Variants in PDE1A observed in about 807,000 individuals in gnomAD.
PDE1A encodes phosphodiesterase 1A.
A neutral mutation model predicts 61.7 loss-of-function variants in PDE1A; 35 were observed. That is an observed-to-expected ratio of 0.57 (90% confidence interval 0.43 to 0.75). The LOEUF is 0.75. PDE1A is among the 30% of genes least tolerant of loss of function. PDE1A has a pLI of 0.00. For missense variants in PDE1A, 597 were observed against 630.6 expected, an observed-to-expected ratio of 0.95 and a Z score of 0.57; for synonymous variants, 232 against 213.2, an observed-to-expected ratio of 1.09 and a Z score of -0.77.
intron 1 of PDE1A, among the ~76,000 whole-genome samples, chr2:182,412,349 A>G (rs920124764): frequency 6.6e-6 from 1 of 152,150 alleles, no homozygotes; most frequent in Non-Finnish European, 1.5e-5. Context: ...TTATTCATTC[A>G]ATATCTGACT....
intron 7 of PDE1A, among the ~76,000 whole-genome samples, chr2:182,211,289 A>C (rs1687574109): frequency 6.6e-6 from 1 of 152,086 alleles, no homozygotes; most frequent in African/African-American, 2.4e-5. Context: ...GCTTCACTGT[A>C]TTGCTTTTAC....
chr2:182,685,843 C>T, the PDE1A span, among the ~76,000 whole-genome samples: 1 of 152,212 alleles, frequency 6.6e-6, no homozygotes, highest in African/African-American at 2.4e-5. Flanking sequence ...ACTTCCCTAA[C>T]AAAAGTCTCC....
chr2:182,159,059 G>A (rs1039520739), intron 13 of PDE1A, among the ~76,000 whole-genome samples: 5 of 152,188 alleles, frequency 3.3e-5, no homozygotes, highest in African/African-American at 1.2e-4. Flanking sequence ...AGTTTGGGCT[G>A]TATACAGTCT....
Position 182,329,886 on chromosome 2 carries a change from G to A in PDE1A, c.54-65472C>T, listed in dbSNP as rs1697290164. 2.0e-5 allele frequency among the ~76,000 whole-genome samples: 3 copies of A among 152,094 alleles called. No individual in the cohort carries two copies. The South Asian group carries it at 6.2e-4, about 32-fold the overall frequency. Reference sequence around the variant, plus strand: ...TCCACAACGAAAGTTCCATGAAAGCGGGTTGTTTTCTGTTTTGTTTTTGCT... The same window carrying A: ...TCCACAACGAAAGTTCCATGAAAGCAGGTTGTTTTCTGTTTTGTTTTTGCT... On this transcript the variant is annotated intron_variant, in intron 1 of 13. Transcript: ENST00000351439.
the PDE1A span, among the ~76,000 whole-genome samples, chr2:182,550,986 G>T: frequency 4.0e-5 from 6 of 150,530 alleles, no homozygotes; most frequent in African/African-American, 1.5e-4. Flanking sequence ...GTCTACCAGT[G>T]TACCCAGGAA....
chr2:182,342,539 C>G lies in PDE1A; in HGVS notation c.54-78125G>C, dbSNP rs185780863. Reference sequence around the variant, plus strand: ...TCTACTAAAAATACAAAAAATTAGACTGGCGTGGTAACACGTGCCTGTAGT... The same window carrying G: ...TCTACTAAAAATACAAAAAATTAGAGTGGCGTGGTAACACGTGCCTGTAGT... On this transcript the variant is annotated intron_variant, in intron 1 of 13. Transcript: ENST00000351439. Among the ~76,000 whole-genome samples the G allele has an allele frequency of 2.5e-3, 379 of 152,252 alleles. 2 individuals are homozygous for G. Among genetic ancestry groups the G allele is most frequent in the African/African-American group, 8.6e-3 (359 of 41,550 alleles).
At chr2:182,705,600 G>A in the PDE1A span, among the ~76,000 whole-genome samples, 1 of 151,956 alleles carries the variant, frequency 6.6e-6, no homozygotes, top group Non-Finnish European at 1.5e-5. Context: ...TGCAACTGAC[G>A]CCTCCTAGGT....
chr2:182,483,788 A>G (rs1687845896), intron 2 of PDE1A, among the ~76,000 whole-genome samples: 1 of 151,970 alleles, frequency 6.6e-6, no homozygotes, highest in Admixed American at 6.6e-5. Context: ...GAAATCAATT[A>G]CATAGATAAC....
At chr2:182,499,207 T>C (rs1271477020) in intron 2 of PDE1A, among the ~76,000 whole-genome samples, 2 of 140,266 alleles carry the variant, frequency 1.4e-5, no homozygotes, top group Non-Finnish European at 3.1e-5. Context: ...GACGGAGTCT[T>C]GCTCTGTCAC....
At chr2:182,638,552 A>G in the PDE1A span, among the ~76,000 whole-genome samples, 1,474 of 152,326 alleles carry the variant, frequency 9.7e-3, 26 homozygotes, top group African/African-American at 0.034. Flanking sequence ...AATGAAAAAA[A>G]CAATTTAGGC....
chr2:182,504,052 T>C (rs10931022), intron 2 of PDE1A, among the ~76,000 whole-genome samples: 114,749 of 152,150 alleles, frequency 0.75, 45,614 homozygotes, highest in East Asian at 0.99. Flanking sequence ...TAACTTTTTT[T>C]CTGAATGACA....
chr2:182,208,703 C>T lies in PDE1A; in HGVS notation c.777-2638G>A, dbSNP rs1337098703. ...GAGTGCCCAAGGCCGTAGGAGCACA[C>T]CCCCTGCATCAGCATACCCTGAATA... On this transcript the variant is annotated intron_variant, in intron 7 of 13. Transcript: ENST00000351439. 2.6e-5 allele frequency among the ~76,000 whole-genome samples: 4 copies of T among 152,166 alleles called. No individual in the cohort carries two copies. In the East Asian group the frequency reaches 5.8e-4, roughly 22 times the overall value.
intron 3 of PDE1A, among the ~76,000 whole-genome samples, chr2:182,238,242 C>G (rs1690201355): frequency 7.6e-6 from 1 of 132,436 alleles, no homozygotes; most frequent in African/African-American, 3.0e-5. Flanking sequence ...GCACCCCAAC[C>G]TGGGTGACAG....
At chr2:182,405,303 G>A (rs1017574281) in intron 1 of PDE1A, among the ~76,000 whole-genome samples, 3 of 152,076 alleles carry the variant, frequency 2.0e-5, no homozygotes, top group Non-Finnish European at 4.4e-5. Flanking sequence ...CTTTCTCTGG[G>A]GTCATTTACA....
At chr2:182,326,232 T>C (rs1697038092) in intron 1 of PDE1A, among the ~76,000 whole-genome samples, 1 of 152,104 alleles carries the variant, frequency 6.6e-6, no homozygotes. Flanking sequence ...CCCACAAGAA[T>C]TGAATGCAGG....
chr2:182,264,373 T>G (rs769536447), exon 2 of PDE1A: 1 of 1,613,678 alleles, frequency 6.2e-7, no homozygotes, highest in Non-Finnish European at 8.5e-7. Context: ...GTCGACGACG[T>G]TAACATCACC....
At chr2:182,241,843 T>C in intron 2 of PDE1A, 1 of 1,545,290 alleles carries the variant, frequency 6.5e-7, no homozygotes, top group South Asian at 1.2e-5. Flanking sequence ...GACATTTGGA[T>C]GGTTTTGATT....
chr2:182,398,823 A>G (rs1000941862), intron 1 of PDE1A, among the ~76,000 whole-genome samples: 6 of 152,010 alleles, frequency 3.9e-5, no homozygotes, highest in African/African-American at 1.4e-4. Context: ...AGAAATCTTA[A>G]ATTTCTTTTT....
At chr2:182,249,818 C>T (rs1055525541) in intron 2 of PDE1A, among the ~76,000 whole-genome samples, 1 of 150,120 alleles carries the variant, frequency 6.7e-6, no homozygotes, top group Admixed American at 6.7e-5. Context: ...GTTTGAGGAT[C>T]GATATAGATG....
Sources: allele counts gnomAD v4.1 joint callset (sites outside exome capture counted in the v4.1 genomes callset), GRCh38; gene constraint gnomAD v4.1.1; transcripts MANE v1.5; gene names NCBI Gene and HGNC (gene_info 2026-07-23, HGNC 2026-07-21).